The following CDH8 variants were observed in gnomAD, a reference collection of about 807,000 sequenced individuals.
CDH8 encodes the protein cadherin 8, also known as cadherin-8.
Under a neutral mutation model 68.1 loss-of-function variants are expected in CDH8, and 17 were observed. The observed-to-expected ratio is 0.25, with a 90% CI of 0.17 to 0.37. The LOEUF (loss-of-function observed/expected upper bound fraction) is 0.37, where lower values mean the gene tolerates loss of function less well. Ranked by LOEUF, CDH8 falls within the 10% of genes least tolerant of loss-of-function variation. The pLI is 1.00. For synonymous variants in CDH8, 372 were observed against 365.1 expected (o/e 1.02, Z -0.21); for missense variants, 763 against 999.3 (o/e 0.76, Z 3.19).
chr16:61,702,959 T>G (rs1964460996), intron 10 of CDH8, among the ~76,000 whole-genome samples: 1 of 152,172 alleles, frequency 6.6e-6, no homozygotes, highest in Admixed American at 6.5e-5. Flanking sequence ...TAATATAAGT[T>G]GTGTGAAATA....
rs745949180 is a variant in CDH8, at chr16:61,650,706, T to TGTGTGAGAGAGAGAGA, written c.*2901_*2902insTCTCTCTCTCTCACAC. On this transcript the variant is annotated 3_prime_UTR_variant, in exon 12 of 12. Coordinates refer to ENST00000577390, the MANE Select transcript of CDH8 (RefSeq NM_001796.5). The stretch of plus-strand genomic sequence containing the variant: ...GTGTGTGTGTGTGTGTGTGTGTGTG[T>TGTGTGAGAGAGAGAGA]GAGAGAGAGAGAGAGAGAGAGAGAG... The TGTGTGAGAGAGAGAGA allele has an allele frequency of 4.5e-4, 52 of 116,676 alleles. No homozygotes were observed. The highest frequency in any genetic ancestry group is 1.6e-3 in the African/African-American group (49 of 29,862). The allele number at this position is 116,676 out of a possible 1,614,324, so 7.2% of individuals were successfully genotyped here.
At chr16:61,894,376 T>G (rs146379043) in intron 3 of CDH8, among the ~76,000 whole-genome samples, 1 of 152,278 alleles carries the variant, frequency 6.6e-6, no homozygotes, top group African/African-American at 2.4e-5. Context: ...ATATGATACT[T>G]TTACTAAAAC....
In CDH8 at chr16:61,706,620, C is replaced by CAAAAAAAAAAAAAAA. The variant is rs781148249; in HGVS notation, c.1654+7206_1654+7220dup. 4.8e-3 allele frequency among the ~76,000 whole-genome samples: 291 copies of CAAAAAAAAAAAAAAA among 60,340 alleles called. 17 individuals are homozygous for CAAAAAAAAAAAAAAA. Among genetic ancestry groups the CAAAAAAAAAAAAAAA allele is most frequent in the East Asian group, 8.9e-3 (14 of 1,572 alleles). The allele number at this position is 60,340 out of a possible 152,430, so 39.6% of individuals were successfully genotyped here. A position where few individuals can be genotyped will look rare whatever the true frequency, so the allele number is the denominator to read the frequency against. On this transcript the variant is annotated intron_variant, in intron 10 of 11. Coordinates refer to ENST00000577390, the MANE Select transcript of CDH8 (RefSeq NM_001796.5). Reference sequence around the variant, plus strand: ...TGGGCACCAGAGCAAGACTCTGTCTCAAAAAAAAAAAAAAAAAAAAAAAAG... The same window carrying CAAAAAAAAAAAAAAA: ...TGGGCACCAGAGCAAGACTCTGTCTCAAAAAAAAAAAAAAAAAAAAAAAAAAAAAAAAAAAAAAAG...
chr16:61,880,216 G>A (rs1044653896), intron 3 of CDH8, among the ~76,000 whole-genome samples: 8 of 152,132 alleles, frequency 5.3e-5, no homozygotes, highest in African/African-American at 1.9e-4. Flanking sequence ...AAGCCACCGT[G>A]CCCGGCCATA....
intron 8 of CDH8, among the ~76,000 whole-genome samples, chr16:61,748,593 G>A (rs994546826): frequency 3.9e-5 from 6 of 152,030 alleles, no homozygotes; most frequent in East Asian, 1.9e-4. Context: ...AAAAAAAAAG[G>A]GAAATGTTGG....
chr16:61,714,967 G>T (rs1964696877), intron 9 of CDH8, among the ~76,000 whole-genome samples: 1 of 151,358 alleles, frequency 6.6e-6, no homozygotes, highest in Admixed American at 6.6e-5. Context: ...TTTGAGAAGG[G>T]GTCATCTTTG....
intron 2 of CDH8, among the ~76,000 whole-genome samples, chr16:61,948,280 T>C (rs537424329): frequency 6.6e-6 from 1 of 152,358 alleles, no homozygotes; most frequent in South Asian, 2.1e-4. Context: ...CGTTCTGATC[T>C]AATCATTGTC....
chr16:61,789,970 C>G (rs1194617421), intron 7 of CDH8, among the ~76,000 whole-genome samples: 2 of 151,584 alleles, frequency 1.3e-5, no homozygotes, highest in Non-Finnish European at 2.9e-5. Flanking sequence ...TGGTGGTGGT[C>G]GTTTGTTTTG....
chr16:61,941,938 C>A (rs1964731560), intron 2 of CDH8, among the ~76,000 whole-genome samples: 1 of 152,130 alleles, frequency 6.6e-6, no homozygotes, highest in South Asian at 2.1e-4. Flanking sequence ...TATACATTAA[C>A]CTGCTCCTCG....
intron 8 of CDH8, among the ~76,000 whole-genome samples, chr16:61,782,851 T>C (rs1295927151): frequency 1.3e-5 from 2 of 151,998 alleles, no homozygotes; most frequent in Admixed American, 6.6e-5. Flanking sequence ...CATGGCAGGG[T>C]ATTCCAACAG....
At chr16:61,964,006 G>GT (rs1442978262) in intron 2 of CDH8, among the ~76,000 whole-genome samples, 2 of 152,110 alleles carry the variant, frequency 1.3e-5, no homozygotes, top group East Asian at 1.9e-4. Flanking sequence ...CTAAAATACA[G>GT]TAAGTCTTCA....
At chr16:61,955,519 G>T (rs1485868709) in intron 2 of CDH8, among the ~76,000 whole-genome samples, 1 of 152,064 alleles carries the variant, frequency 6.6e-6, no homozygotes, top group Non-Finnish European at 1.5e-5. Flanking sequence ...TCGTGCTTTG[G>T]TCAATTAAAT....
At chr16:61,705,613 T>A (rs1964512338) in intron 10 of CDH8, among the ~76,000 whole-genome samples, 1 of 152,144 alleles carries the variant, frequency 6.6e-6, no homozygotes. Flanking sequence ...GAGAATTAGC[T>A]GTCCATGATT....
At chr16:61,959,172 T>C (rs568110438) in intron 2 of CDH8, among the ~76,000 whole-genome samples, 1 of 152,284 alleles carries the variant, frequency 6.6e-6, no homozygotes, top group African/African-American at 2.4e-5. Flanking sequence ...ATTCTATTCC[T>C]ATCTGTGGGC....
chr16:61,799,746 G>T (rs1490658695), intron 7 of CDH8, among the ~76,000 whole-genome samples: 6 of 152,112 alleles, frequency 3.9e-5, no homozygotes, highest in African/African-American at 7.2e-5. Flanking sequence ...AATTTTAAAA[G>T]TAGTGTATAA....
At chr16:61,942,125 A>G (rs1299427068) in intron 2 of CDH8, among the ~76,000 whole-genome samples, 2 of 152,094 alleles carry the variant, frequency 1.3e-5, no homozygotes, top group Non-Finnish European at 2.9e-5. Flanking sequence ...CTAATTGATC[A>G]TTTTGATTTT....
At chr16:61,936,304 TG>T (rs1168509473) in intron 2 of CDH8, among the ~76,000 whole-genome samples, 1 of 152,176 alleles carries the variant, frequency 6.6e-6, no homozygotes, top group African/African-American at 2.4e-5. Flanking sequence ...GCATGAGTTA[TG>T]GGGCATTCAG....
intron 1 of CDH8, among the ~76,000 whole-genome samples, chr16:62,030,332 T>C (rs1902294841): frequency 6.6e-6 from 1 of 152,228 alleles, no homozygotes; most frequent in East Asian, 1.9e-4. Context: ...AGAGAAGATA[T>C]GTGTTTTAAC....
chr16:61,867,385 C>T (rs910423235), intron 3 of CDH8, among the ~76,000 whole-genome samples: 9 of 151,722 alleles, frequency 5.9e-5, no homozygotes, highest in African/African-American at 1.9e-4. Flanking sequence ...AGTAGGAGAG[C>T]CAAAATGGAA....
Sources: gnomAD v4.1 joint callset for allele counts (sites outside exome capture counted in the v4.1 genomes callset) on GRCh38, gnomAD v4.1.1 for gene constraint, MANE v1.5 for transcripts, NCBI Gene and HGNC (gene_info 2026-07-23, HGNC 2026-07-21) for gene names.